OR1J2: variants seen among roughly 807,000 people sequenced by gnomAD.
The protein encoded by OR1J2 is olfactory receptor family 1 subfamily J member 2.
For missense variants in OR1J2, 304 were observed against 246.1 expected (o/e 1.24, Z -1.57); for synonymous variants, 142 against 99.7 (o/e 1.42, Z -2.52).
chr9:122,510,594 A>G (rs1026719901), upstream of OR1J2, among the ~76,000 whole-genome samples: 1 of 151,934 alleles, frequency 6.6e-6, no homozygotes, highest in Non-Finnish European at 1.5e-5. Flanking sequence ...CTATCATCCC[A>G]TCGTCTAGGC....
chr9:122,563,306 A>G, the OR1J2 span, among the ~76,000 whole-genome samples: 10 of 152,120 alleles, frequency 6.6e-5, 1 homozygote, highest in Admixed American at 5.9e-4. Context: ...ATAGTTAACA[A>G]TAATTTATTG....
At chr9:122,523,158 T>C in the OR1J2 span, among the ~76,000 whole-genome samples, 1 of 152,160 alleles carries the variant, frequency 6.6e-6, no homozygotes, top group East Asian at 1.9e-4. Context: ...TCAGGATTGA[T>C]ACATAATGGA....
the OR1J2 span, among the ~76,000 whole-genome samples, chr9:122,503,092 T>C: frequency 1.3e-5 from 2 of 152,210 alleles, no homozygotes; most frequent in Admixed American, 1.3e-4. Flanking sequence ...ATGTGGTATA[T>C]GATAGGAGCA....
At chr9:122,553,754 T>C in the OR1J2 span, 805,845 of 1,612,128 alleles carry the variant, frequency 0.5, 203,483 homozygotes, top group East Asian at 0.62. Flanking sequence ...CTCATTTCTA[T>C]TGTGATCCTA....
At chr9:122,475,036 A>T in the OR1J2 span, 1 of 151,924 alleles carries the variant, frequency 6.6e-6, no homozygotes, top group Non-Finnish European at 1.5e-5. Flanking sequence ...TCCTGAATAA[A>T]CTCAACATAT....
the OR1J2 span, chr9:122,568,429 C>T: frequency 7.4e-6 from 12 of 1,611,692 alleles, no homozygotes; most frequent in Non-Finnish European, 1.0e-5. Context: ...GAGGAGAGTC[C>T]CAGGAGGATA....
At chr9:122,534,654 G>A in the OR1J2 span, among the ~76,000 whole-genome samples, 4 of 152,020 alleles carry the variant, frequency 2.6e-5, no homozygotes, top group South Asian at 2.1e-4. Context: ...GACCTAGCTC[G>A]GCCTGGCGAG....
the OR1J2 span, among the ~76,000 whole-genome samples, chr9:122,531,706 A>G: frequency 6.6e-6 from 1 of 152,170 alleles, no homozygotes; most frequent in Non-Finnish European, 1.5e-5. Flanking sequence ...GAGGACCGTA[A>G]GGGATATAAA....
upstream of OR1J2, among the ~76,000 whole-genome samples, chr9:122,510,237 A>G (rs904646140): frequency 3.9e-5 from 6 of 152,140 alleles, no homozygotes; most frequent in Non-Finnish European, 8.8e-5. Flanking sequence ...AGATCTTCTA[A>G]TGGTTGCTGT....
the OR1J2 span, chr9:122,554,284 G>T: frequency 1.5e-6 from 1 of 651,484 alleles, no homozygotes; most frequent in Non-Finnish European, 2.5e-6. Context: ...CTGAGTTAGG[G>T]ATGTAAAAAA....
chr9:122,454,962 A>C, the OR1J2 span, among the ~76,000 whole-genome samples: 1 of 152,270 alleles, frequency 6.6e-6, no homozygotes, highest in Admixed American at 6.5e-5. Flanking sequence ...CAAATGAAAC[A>C]CAAAAAAAGG....
In OR1J2 at chr9:122,510,959, C is replaced by G. The variant is rs1453347522; in HGVS notation, c.158C>G (p.Ser53Cys). 1 of 1,612,436 alleles carries G rather than the reference C, an allele frequency of 6.2e-7. No individual in the cohort carries two copies. Among genetic ancestry groups the G allele is most frequent in the African/African-American group, 1.3e-5 (1 of 74,884 alleles). ...LLIMLLIQLDSHLHTPMYFFL... is the reference protein window; with the variant it reads ...LLIMLLIQLDCHLHTPMYFFL... Reference sequence around the variant, plus strand: ...ATCATGCTGCTCATCCAGCTGGACTCTCACCTTCACACCCCCATGTACTTC... The same window carrying G: ...ATCATGCTGCTCATCCAGCTGGACTGTCACCTTCACACCCCCATGTACTTC... The change falls in exon 1 of 1, where the codon TCT becomes TGT. Residue 53 changes from serine to cysteine, a missense_variant. Ser to Cys is a moderately radical substitution (Grantham distance 112). Transcript: ENST00000335302.
the OR1J2 span, among the ~76,000 whole-genome samples, chr9:122,547,576 C>A: frequency 6.6e-6 from 1 of 151,572 alleles, no homozygotes; most frequent in Admixed American, 6.6e-5. Flanking sequence ...TATTCCACTT[C>A]TATGCCCAAC....
At chr9:122,552,079 T>TCTCTCTCACACACA in the OR1J2 span, among the ~76,000 whole-genome samples, 1 of 142,104 alleles carries the variant, frequency 7.0e-6, no homozygotes, top group Non-Finnish European at 1.5e-5. Context: ...TCTCTCTCTC[T>TCTCTCTCACACACA]CACACACACA....
At chr9:122,536,966 A>G in the OR1J2 span, among the ~76,000 whole-genome samples, 1 of 152,120 alleles carries the variant, frequency 6.6e-6, no homozygotes, top group African/African-American at 2.4e-5. Flanking sequence ...CTATAATCTC[A>G]TAGTATAGTT....
At chr9:122,483,766 A>G in the OR1J2 span, among the ~76,000 whole-genome samples, 133 of 152,352 alleles carry the variant, frequency 8.7e-4, no homozygotes, top group African/African-American at 3.1e-3. Flanking sequence ...TGATAAGTAC[A>G]TTAGGTCATA....
chr9:122,552,734 C>G, the OR1J2 span, among the ~76,000 whole-genome samples: 3,434 of 145,686 alleles, frequency 0.024, 119 homozygotes, highest in African/African-American at 0.081. Context: ...TTTCAGCCCC[C>G]ACAAAGAGGG....
chr9:122,494,224 A>G, the OR1J2 span, among the ~76,000 whole-genome samples: 1 of 151,976 alleles, frequency 6.6e-6, no homozygotes, highest in Non-Finnish European at 1.5e-5. Context: ...GTTTAAGTCT[A>G]TTGTTTCTTT....
chr9:122,520,083 C>A, the OR1J2 span: 1 of 1,600,332 alleles, frequency 6.2e-7, no homozygotes, highest in Non-Finnish European at 8.6e-7. Context: ...ATCTCAATGA[C>A]ATTTACTCTT....
Sources: gnomAD v4.1 joint callset for allele counts (sites outside exome capture counted in the v4.1 genomes callset) on GRCh38, gnomAD v4.1.1 for gene constraint, MANE v1.5 for transcripts, NCBI Gene and HGNC (gene_info 2026-07-23, HGNC 2026-07-21) for gene names.